The following AGBL4 variants were observed in gnomAD, a reference collection of about 807,000 sequenced individuals.
The protein encoded by AGBL4 is cytosolic carboxypeptidase 6.
AGBL4 carries 58 observed loss-of-function variants against 66.4 expected under a neutral mutation model. The ratio of observed to expected loss-of-function variants is 0.87; its 90% confidence interval spans 0.71 to 1.09. The LOEUF (loss-of-function observed/expected upper bound fraction) is 1.09, where lower values mean the gene tolerates loss of function less well. Ranked by LOEUF, AGBL4 falls within the 50% of genes least tolerant of loss-of-function variation. The pLI, the probability that AGBL4 is intolerant of heterozygous loss-of-function variation, is 0.00. For synonymous variants in AGBL4, 234 were observed against 222.9 expected, an observed-to-expected ratio of 1.05 and a Z score of -0.44; for missense variants, 579 against 631.0, an observed-to-expected ratio of 0.92 and a Z score of 0.88.
rs374563714 is a variant in AGBL4 at position 48,886,701 on chromosome 1, T to C, written c.595-19471A>G. Among the ~76,000 whole-genome samples, 38 of 152,120 alleles carry C rather than the reference T, an allele frequency of 2.5e-4. No individual in the cohort carries two copies. In the East Asian group the frequency reaches 6.8e-3, roughly 27 times the overall value. ...CCGAGTAGCTGGGACTACAGGCACC[T>C]GCCACCACGCCTGGCTAATGTTTTG... On this transcript the variant is annotated intron_variant, in intron 5 of 13. Coordinates refer to ENST00000371839, the MANE Select transcript of AGBL4 (RefSeq NM_032785.4).
intron 5 of AGBL4, among the ~76,000 whole-genome samples, chr1:48,873,537 G>A (rs1648899277): frequency 6.6e-6 from 1 of 152,090 alleles, no homozygotes; most frequent in Non-Finnish European, 1.5e-5. Flanking sequence ...GTTTCCTGAA[G>A]GCAGGCGCTG....
intron 1 of AGBL4, among the ~76,000 whole-genome samples, chr1:49,871,022 C>T (rs781174507): frequency 5.9e-5 from 9 of 151,930 alleles, no homozygotes; most frequent in Non-Finnish European, 1.2e-4. Context: ...ACTATTCAAC[C>T]CCACTAGGCC....
In AGBL4 at chr1:49,343,830, C is replaced by A. The variant is rs554423346; in HGVS notation, c.283-97966G>T. Among the ~76,000 whole-genome samples the A allele has an allele frequency of 2.0e-5, 3 of 152,238 alleles. No individual in the cohort carries two copies. The South Asian group carries it at 6.2e-4, about 32-fold the overall frequency. On this transcript the variant is annotated intron_variant, in intron 3 of 13. Coordinates refer to ENST00000371839, the MANE Select transcript of AGBL4 (RefSeq NM_032785.4). ...GCTTAAAAATAATAAGTGTTTAAAT[C>A]AACTATTTTGTGGGAAAAATATAAA...
chr1:48,731,636 T>C (rs935063355), intron 6 of AGBL4, among the ~76,000 whole-genome samples: 4 of 152,096 alleles, frequency 2.6e-5, no homozygotes, highest in African/African-American at 9.7e-5. Flanking sequence ...GGAAGGTAGG[T>C]AGTGGGACCT....
chr1:48,916,208 G>A (rs971918573), intron 5 of AGBL4, among the ~76,000 whole-genome samples: 4 of 152,176 alleles, frequency 2.6e-5, no homozygotes, highest in African/African-American at 4.8e-5. Context: ...GACGTTCTGC[G>A]AGATCAGCCA....
chr1:49,374,670 T>C (rs1052865807), intron 3 of AGBL4, among the ~76,000 whole-genome samples: 1 of 152,124 alleles, frequency 6.6e-6, no homozygotes, highest in African/African-American at 2.4e-5. Context: ...TTTACCTTCA[T>C]CATTTACATC....
rs1054036693 is a variant in AGBL4 at position 49,772,029 on chromosome 1, A to G, written c.158-74592T>C. Among the ~76,000 whole-genome samples the G allele has an allele frequency of 1.8e-4, 28 of 151,762 alleles. 1 individual carries two copies. Among genetic ancestry groups the G allele is most frequent in the Non-Finnish European group, 3.7e-4 (25 of 67,870 alleles). ...CTGCCATTATATTAATCATTTTTTC[A>G]TTGTTTTGTAGATCCCTTCTTCCTT... On this transcript the variant is annotated intron_variant, in intron 2 of 13. Coordinates refer to ENST00000371839, the MANE Select transcript of AGBL4 (RefSeq NM_032785.4).
At chr1:49,676,673 G>A (rs961104486) in intron 3 of AGBL4, among the ~76,000 whole-genome samples, 29 of 152,096 alleles carry the variant, frequency 1.9e-4, no homozygotes, top group African/African-American at 7.0e-4. Context: ...ATTATTATGT[G>A]TCATGTACAT....
intron 2 of AGBL4, among the ~76,000 whole-genome samples, chr1:49,815,456 A>T (rs1223326035): frequency 6.6e-6 from 1 of 152,150 alleles, no homozygotes; most frequent in East Asian, 1.9e-4. Flanking sequence ...CTTGGCTATT[A>T]TGAACAGTGC....
At chr1:49,494,384 C>T (rs1647338635) in intron 3 of AGBL4, among the ~76,000 whole-genome samples, 1 of 151,980 alleles carries the variant, frequency 6.6e-6, no homozygotes, top group African/African-American at 2.4e-5. Flanking sequence ...ACTAACTCGT[C>T]ATCTAGCATT....
chr1:49,875,006 T>C (rs1220762616), intron 1 of AGBL4, among the ~76,000 whole-genome samples: 1 of 123,352 alleles, frequency 8.1e-6, no homozygotes, highest in East Asian at 2.5e-4. Context: ...CCCCAGAGTG[T>C]GATGTTCCCC....
intron 3 of AGBL4, among the ~76,000 whole-genome samples, chr1:49,439,150 G>A (rs1163803895): frequency 1.3e-5 from 2 of 152,216 alleles, no homozygotes; most frequent in Non-Finnish European, 1.5e-5. Flanking sequence ...TGATATACAA[G>A]TCTATGCTTG....
At chr1:49,832,436 G>C (rs1645715986) in intron 2 of AGBL4, among the ~76,000 whole-genome samples, 1 of 149,816 alleles carries the variant, frequency 6.7e-6, no homozygotes, top group Non-Finnish European at 1.5e-5. Context: ...TTGCTATTGT[G>C]AATAGTGCCA....
intron 2 of AGBL4, among the ~76,000 whole-genome samples, chr1:49,831,404 CTGTT>C (rs1365996701): frequency 3.3e-5 from 5 of 152,106 alleles, no homozygotes; most frequent in African/African-American, 1.2e-4. Flanking sequence ...ATTTGGCTCT[CTGTT>C]TGTCTATTAT....
At chr1:49,900,017 G>A (rs1649613340) in intron 1 of AGBL4, among the ~76,000 whole-genome samples, 1 of 151,998 alleles carries the variant, frequency 6.6e-6, no homozygotes, top group African/African-American at 2.4e-5. Flanking sequence ...ACTCCAGCCT[G>A]GGTGACAGAG....
At chr1:49,400,697 T>C (rs1413947617) in intron 3 of AGBL4, among the ~76,000 whole-genome samples, 1 of 152,202 alleles carries the variant, frequency 6.6e-6, no homozygotes, top group Admixed American at 6.5e-5. Flanking sequence ...ATGTTACTGA[T>C]TTTTGTATGT....
intron 3 of AGBL4, among the ~76,000 whole-genome samples, chr1:49,482,156 G>T (rs1389631542): frequency 6.6e-6 from 1 of 151,890 alleles, no homozygotes; most frequent in East Asian, 1.9e-4. Context: ...AGTTAGGGAG[G>T]AGTCAGTCCT....
intron 4 of AGBL4, among the ~76,000 whole-genome samples, chr1:49,190,933 G>A (rs1031027394): frequency 2.6e-5 from 4 of 152,114 alleles, no homozygotes; most frequent in African/African-American, 9.7e-5. Context: ...TTAATGTCAA[G>A]GAAAATGAAA....
chr1:49,465,559 C>T (rs1646613552), intron 3 of AGBL4, among the ~76,000 whole-genome samples: 1 of 151,780 alleles, frequency 6.6e-6, no homozygotes, highest in Non-Finnish European at 1.5e-5. Flanking sequence ...GAGATTGCTC[C>T]TTGAATTTTT....
Sources: gnomAD v4.1 joint callset for allele counts (sites outside exome capture counted in the v4.1 genomes callset) on GRCh38, gnomAD v4.1.1 for gene constraint, MANE v1.5 for transcripts, NCBI Gene and HGNC (gene_info 2026-07-23, HGNC 2026-07-21) for gene names.